NTNG1: variants seen among roughly 807,000 people sequenced by gnomAD.
NTNG1 encodes netrin G1.
NTNG1 carries 16 observed loss-of-function variants against 54.0 expected under a neutral mutation model. The observed-to-expected ratio is 0.30, with a 90% CI of 0.20 to 0.45. The LOEUF is 0.45. Among genes scored for constraint, NTNG1 ranks in the 20% least tolerant of loss-of-function variants. NTNG1 has a pLI of 1.00. For missense variants in NTNG1, 530 were observed against 678.7 expected, an observed-to-expected ratio of 0.78 and a Z score of 2.43; for synonymous variants, 255 against 263.1, an observed-to-expected ratio of 0.97 and a Z score of 0.30.
intron 3 of NTNG1, among the ~76,000 whole-genome samples, chr1:107,346,529 G>A (rs996708020): frequency 6.6e-6 from 1 of 152,026 alleles, no homozygotes; most frequent in African/African-American, 2.4e-5. Flanking sequence ...CTCTCAAGGT[G>A]CACACACAAA....
intron 2 of NTNG1, among the ~76,000 whole-genome samples, chr1:107,214,181 GTTC>G (rs961983542): frequency 6.6e-6 from 1 of 151,956 alleles, no homozygotes; most frequent in Non-Finnish European, 1.5e-5. Flanking sequence ...ACATGAATAA[GTTC>G]TTTAGTGGTG....
chr1:107,246,917 T>A (rs1662240918), intron 2 of NTNG1, among the ~76,000 whole-genome samples: 1 of 152,180 alleles, frequency 6.6e-6, no homozygotes, highest in Non-Finnish European at 1.5e-5. Flanking sequence ...GAACTACAGC[T>A]ATCAGCCAGG....
intron 2 of NTNG1, among the ~76,000 whole-genome samples, chr1:107,290,258 C>A (rs1665495686): frequency 6.6e-6 from 1 of 152,176 alleles, no homozygotes; most frequent in Non-Finnish European, 1.5e-5. Flanking sequence ...TCTCACAATT[C>A]ATTGAGTGTT....
At position 107,340,444 on chromosome 1, in the gene NTNG1, C is replaced by T. The variant is rs535062432; in HGVS notation, c.887+15522C>T. On this transcript the variant is annotated intron_variant, in intron 3 of 7. Coordinates refer to ENST00000370068, the MANE Select transcript of NTNG1 (RefSeq NM_001113226.3). ...AAATGTTATTTATGGAAAACAGGAG[C>T]CCTGCAGAAGCAAAAGAATATCTCT... 2.0e-5 allele frequency among the ~76,000 whole-genome samples: 3 copies of T among 152,082 alleles called. No homozygotes were observed. In the East Asian group the frequency reaches 5.8e-4, roughly 30 times the overall value.
At chr1:107,162,362 A>C (rs1422176088) in intron 2 of NTNG1, among the ~76,000 whole-genome samples, 1 of 152,068 alleles carries the variant, frequency 6.6e-6, no homozygotes, top group Non-Finnish European at 1.5e-5. Context: ...TTATTATGTA[A>C]TTACTATATT....
chr1:107,148,902 G>A, intron 2 of NTNG1, 63 bp downstream of exon 2: 1 of 1,484,326 alleles, frequency 6.7e-7, no homozygotes, highest in Non-Finnish European at 9.3e-7. Flanking sequence ...TATGCATACA[G>A]ATGTGGTGAG....
At chr1:107,268,840 G>A (rs948866767) in intron 2 of NTNG1, among the ~76,000 whole-genome samples, 2 of 152,054 alleles carry the variant, frequency 1.3e-5, no homozygotes, top group Non-Finnish European at 2.9e-5. Flanking sequence ...TTGTCTATCA[G>A]TAGTCTTCAT....
chr1:107,293,077 C>A (rs1665724820), intron 2 of NTNG1, among the ~76,000 whole-genome samples: 1 of 152,062 alleles, frequency 6.6e-6, no homozygotes, highest in Non-Finnish European at 1.5e-5. Flanking sequence ...TAAGTATTAA[C>A]AGCTTTTAAA....
Position 107,483,704 on chromosome 1 carries a change from C to T in NTNG1, c.*2864C>T, listed in dbSNP as rs1195392998. ...TGGTATTTTTTCCCTTTGATAAATC[C>T]CTTAAAGTGGCTTAATGTAGTCTTG... On this transcript the variant is annotated 3_prime_UTR_variant, in exon 8 of 8. Transcript: ENST00000370068. Among the ~76,000 whole-genome samples the T allele has an allele frequency of 6.6e-6, 1 of 152,126 alleles. No homozygotes were observed. The highest frequency in any genetic ancestry group is 1.5e-5 in the Non-Finnish European group (1 of 68,026).
chr1:107,249,693 G>A (rs1166921265), intron 2 of NTNG1, among the ~76,000 whole-genome samples: 1 of 152,086 alleles, frequency 6.6e-6, no homozygotes, highest in Non-Finnish European at 1.5e-5. Context: ...ATATTAGCAT[G>A]TTAAGGACTT....
At chr1:107,310,696 G>A (rs1162612482) in intron 2 of NTNG1, among the ~76,000 whole-genome samples, 1 of 152,046 alleles carries the variant, frequency 6.6e-6, no homozygotes, top group Non-Finnish European at 1.5e-5. Flanking sequence ...TGCAAATGCT[G>A]AAAATAGAAA....
At chr1:107,344,784 T>C (rs1383627406) in intron 3 of NTNG1, among the ~76,000 whole-genome samples, 1 of 152,156 alleles carries the variant, frequency 6.6e-6, no homozygotes, top group East Asian at 1.9e-4. Context: ...ATTCTGAAAC[T>C]CTTTTGGGTC....
chr1:107,473,900 C>T (rs769584054), intron 7 of NTNG1, among the ~76,000 whole-genome samples: 5 of 152,140 alleles, frequency 3.3e-5, no homozygotes, highest in Non-Finnish European at 4.4e-5. Flanking sequence ...ATACTCTAAC[C>T]TTATCTGTCA....
chr1:107,294,586 C>G (rs1035075277), intron 2 of NTNG1, among the ~76,000 whole-genome samples: 5 of 152,074 alleles, frequency 3.3e-5, no homozygotes, highest in Non-Finnish European at 7.4e-5. Context: ...CTTCACTAGA[C>G]AGTAAGGGGG....
intron 3 of NTNG1, among the ~76,000 whole-genome samples, chr1:107,350,356 A>G (rs1310818164): frequency 6.6e-6 from 1 of 152,098 alleles, no homozygotes; most frequent in Non-Finnish European, 1.5e-5. Context: ...GTGACTTTTG[A>G]TGAATAGATG....
chr1:107,357,238 G>T (rs997733831), intron 3 of NTNG1, among the ~76,000 whole-genome samples: 19 of 152,118 alleles, frequency 1.2e-4, no homozygotes, highest in African/African-American at 4.6e-4. Context: ...CTATTTGAAA[G>T]AAATTATTTT....
intron 2 of NTNG1, among the ~76,000 whole-genome samples, chr1:107,193,824 ATTCCTTCCTTCTTTTTTTC>A (rs1322055517): frequency 6.6e-6 from 1 of 151,152 alleles, no homozygotes. Context: ...CCTTCCCTCA[ATTCCTTCCTTCTTTTTTTC>A]TTCCTTCCTT....
intron 3 of NTNG1, among the ~76,000 whole-genome samples, chr1:107,386,167 T>TATA (rs1557954792): frequency 9.9e-4 from 59 of 59,756 alleles, no homozygotes; most frequent in Non-Finnish European, 1.8e-3. Flanking sequence ...ATATATATAT[T>TATA]TTTTTTTTTT....
chr1:107,278,355 T>G (rs986802715), intron 2 of NTNG1, among the ~76,000 whole-genome samples: 1 of 152,232 alleles, frequency 6.6e-6, no homozygotes. Flanking sequence ...CTCTTACATG[T>G]TGTCTTTTCC....
Sources: gnomAD v4.1 joint callset for allele counts (sites outside exome capture counted in the v4.1 genomes callset) on GRCh38, gnomAD v4.1.1 for gene constraint, MANE v1.5 for transcripts, NCBI Gene and HGNC (gene_info 2026-07-23, HGNC 2026-07-21) for gene names.